TRPC7: variants seen among roughly 807,000 people sequenced by gnomAD.
The protein encoded by TRPC7 is short transient receptor potential channel 7.
TRPC7 carries 42 observed loss-of-function variants against 90.1 expected under a neutral mutation model. That is an observed-to-expected ratio of 0.47 (90% CI 0.36 to 0.60). TRPC7 has a LOEUF of 0.60. TRPC7 is among the 20% of genes least tolerant of loss of function. TRPC7 has a pLI of 0.00. For synonymous variants in TRPC7, 451 were observed against 436.3 expected (o/e 1.03, Z -0.42); for missense variants, 955 against 1,112.3 (o/e 0.86, Z 2.01).
chr5:136,347,729 AC>A (rs1279992425), intron 2 of TRPC7, among the ~76,000 whole-genome samples: 2 of 152,196 alleles, frequency 1.3e-5, no homozygotes, highest in Non-Finnish European at 2.9e-5. Context: ...ATTGGAATTG[AC>A]ATCACTCTCC....
intron 7 of TRPC7, among the ~76,000 whole-genome samples, chr5:136,242,786 C>T (rs754211251): frequency 1.3e-5 from 2 of 152,134 alleles, no homozygotes; most frequent in South Asian, 2.1e-4. Flanking sequence ...CCCAGAACTA[C>T]TATAATCAGA....
At chr5:136,323,040 T>C (rs1010022022) in intron 2 of TRPC7, among the ~76,000 whole-genome samples, 2 of 152,214 alleles carry the variant, frequency 1.3e-5, no homozygotes, top group African/African-American at 4.8e-5. Flanking sequence ...GTAGCTCCCA[T>C]AGTTCCCTTG....
chr5:136,240,432 T>C (rs183665514), intron 7 of TRPC7, among the ~76,000 whole-genome samples: 1 of 152,178 alleles, frequency 6.6e-6, no homozygotes, highest in Admixed American at 6.5e-5. Flanking sequence ...CCACTTGGCA[T>C]AGAGTAGTTG....
chr5:136,297,703 T>C (rs9327750), intron 3 of TRPC7, among the ~76,000 whole-genome samples: 18,377 of 152,204 alleles, frequency 0.12, 1,159 homozygotes, highest in African/African-American at 0.14. Flanking sequence ...TTTTTAGTTG[T>C]TGTTTTTAAG....
chr5:136,357,334 C>T lies in TRPC7; in HGVS notation c.54G>A (p.Arg18=). The T allele has an allele frequency of 1.2e-6, 2 of 1,605,620 alleles. No individual in the cohort carries two copies. Among genetic ancestry groups the T allele is most frequent in the Non-Finnish European group, 1.7e-6 (2 of 1,179,830 alleles). Residue 18 remains arginine, a synonymous_variant, in exon 2 of 12, where the codon AGG becomes AGA. Transcript: ENST00000513104. ...KNMQRRHTTL[R]EKGRRQAIRG... ...GGATGGCCTGGCGACGGCCCTTCTC[C>T]CTCAGCGTTGTGTGCCGGCGCTGCA...
chr5:136,328,416 C>T (rs750883243), intron 2 of TRPC7, among the ~76,000 whole-genome samples: 6 of 152,190 alleles, frequency 3.9e-5, no homozygotes, highest in Admixed American at 1.3e-4. Flanking sequence ...CCAAAGGGAT[C>T]GCTGTGTCCT....
At chr5:136,311,882 G>A (rs899165524) in intron 3 of TRPC7, among the ~76,000 whole-genome samples, 1 of 152,228 alleles carries the variant, frequency 6.6e-6, no homozygotes, top group Non-Finnish European at 1.5e-5. Flanking sequence ...GGCATTGACT[G>A]TGAGCAATGT....
chr5:136,229,788 A>T (rs1487711533), intron 8 of TRPC7, among the ~76,000 whole-genome samples: 1 of 152,240 alleles, frequency 6.6e-6, no homozygotes, highest in Non-Finnish European at 1.5e-5. Flanking sequence ...GAAGTATATA[A>T]ACAATTGTTT....
intron 4 of TRPC7, 87 bp downstream of exon 4, chr5:136,274,586 T>C (rs1189369810): frequency 1.5e-6 from 2 of 1,312,234 alleles, no homozygotes; most frequent in Non-Finnish European, 9.8e-7. Context: ...AAAAATCAGC[T>C]GCTAATTTGA....
chr5:136,302,399 T>G (rs2149832209), intron 3 of TRPC7, among the ~76,000 whole-genome samples: 1 of 152,294 alleles, frequency 6.6e-6, no homozygotes, highest in South Asian at 2.1e-4. Flanking sequence ...TTCTTCACCC[T>G]TAGCGGCAAG....
At chr5:136,340,993 G>A (rs976652345) in intron 2 of TRPC7, among the ~76,000 whole-genome samples, 2 of 152,178 alleles carry the variant, frequency 1.3e-5, no homozygotes, top group Non-Finnish European at 2.9e-5. Context: ...GGAAGGAAGT[G>A]AGGAAAAGAG....
intron 3 of TRPC7, 145 bp from the exon 4 acceptor site, chr5:136,274,982 G>A: frequency 5.8e-6 from 5 of 868,282 alleles, no homozygotes; most frequent in Non-Finnish European, 8.5e-6. Flanking sequence ...GGGTGGGGAT[G>A]AGGCGTAGGA....
chr5:136,255,809 G>A (rs2149807713), intron 5 of TRPC7, among the ~76,000 whole-genome samples: 1 of 152,282 alleles, frequency 6.6e-6, no homozygotes, highest in Non-Finnish European at 1.5e-5. Flanking sequence ...TGAGACAGTG[G>A]CTCAGATGGT....
intron 9 of TRPC7, 69 bp from the exon 10 acceptor site, chr5:136,225,423 G>C: frequency 1.4e-6 from 2 of 1,472,700 alleles, no homozygotes; most frequent in East Asian, 4.7e-5. Context: ...ATATCTCGTA[G>C]GACTTGAACA....
intron 2 of TRPC7, among the ~76,000 whole-genome samples, chr5:136,323,334 C>T (rs955437382): frequency 6.6e-6 from 1 of 152,158 alleles, no homozygotes; most frequent in Non-Finnish European, 1.5e-5. Context: ...AATGTGAAAA[C>T]AGACTACTAC....
intron 1 of TRPC7, among the ~76,000 whole-genome samples, chr5:136,364,203 TGAG>T (rs1760655344): frequency 2.0e-5 from 3 of 152,242 alleles, no homozygotes; most frequent in Admixed American, 2.0e-4. Flanking sequence ...TTAGCCTCAA[TGAG>T]GCTCCACATA....
At chr5:136,326,618 C>A (rs1400840889) in intron 2 of TRPC7, among the ~76,000 whole-genome samples, 1 of 152,148 alleles carries the variant, frequency 6.6e-6, no homozygotes, top group Non-Finnish European at 1.5e-5. Context: ...TGCTGGAGAA[C>A]AATAGAGCCC....
At chr5:136,285,839 C>G (rs1019895450) in intron 3 of TRPC7, among the ~76,000 whole-genome samples, 5 of 152,190 alleles carry the variant, frequency 3.3e-5, no homozygotes, top group Admixed American at 2.6e-4. Context: ...TGCCTCAGTG[C>G]CCCTCCACAG....
chr5:136,344,021 A>G (rs1759928038), intron 2 of TRPC7, among the ~76,000 whole-genome samples: 1 of 152,212 alleles, frequency 6.6e-6, no homozygotes, highest in African/African-American at 2.4e-5. Context: ...AAGACAGAGA[A>G]TCAACCTCAA....
Sources: allele counts gnomAD v4.1 joint callset (sites outside exome capture counted in the v4.1 genomes callset), GRCh38; gene constraint gnomAD v4.1.1; transcripts MANE v1.5; gene names NCBI Gene and HGNC (gene_info 2026-07-23, HGNC 2026-07-21).